RERG: variants seen among roughly 807,000 people sequenced by gnomAD.
The protein encoded by RERG is ras-related and estrogen-regulated growth inhibitor.
In RERG, 25 loss-of-function variants were observed where a neutral mutation model predicts 23.2. The observed-to-expected ratio is 1.08, with a 90% CI of 0.79 to 1.50. RERG has a LOEUF of 1.50. Among genes scored for constraint, RERG ranks in the 40% most tolerant of loss-of-function variants. RERG has a pLI of 0.00. For synonymous variants in RERG, 81 were observed against 89.1 expected, an observed-to-expected ratio of 0.91 and a Z score of 0.51; for missense variants, 253 against 250.1, an observed-to-expected ratio of 1.01 and a Z score of -0.08.
intron 2 of RERG, among the ~76,000 whole-genome samples, chr12:15,160,424 A>G (rs926362957): frequency 6.6e-6 from 1 of 152,132 alleles, no homozygotes; most frequent in Admixed American, 6.6e-5. Flanking sequence ...GGGCTTTTCA[A>G]AACTTTTGTT....
intron 2 of RERG, among the ~76,000 whole-genome samples, chr12:15,162,566 T>TACTA (rs1450453966): frequency 1.3e-5 from 2 of 152,154 alleles, no homozygotes; most frequent in Non-Finnish European, 2.9e-5. Context: ...CATCCATTGG[T>TACTA]CAAAACATAA....
chr12:15,131,367 G>A (rs1175969781), intron 2 of RERG, among the ~76,000 whole-genome samples: 1 of 152,076 alleles, frequency 6.6e-6, no homozygotes, highest in Non-Finnish European at 1.5e-5. Context: ...CCAAGTCAGT[G>A]TTTTTAATTT....
chr12:15,183,188 TA>T (rs1864948001), intron 2 of RERG, among the ~76,000 whole-genome samples: 1 of 152,180 alleles, frequency 6.6e-6, no homozygotes, highest in African/African-American at 2.4e-5. Flanking sequence ...AAATTAATGA[TA>T]AATCTTTGAA....
At chr12:15,136,896 A>G (rs1221718593) in intron 2 of RERG, among the ~76,000 whole-genome samples, 2 of 151,998 alleles carry the variant, frequency 1.3e-5, no homozygotes, top group Non-Finnish European at 2.9e-5. Flanking sequence ...GAAGTAGCCT[A>G]TAGATGTCAG....
intron 2 of RERG, among the ~76,000 whole-genome samples, chr12:15,135,530 G>C (rs1864129622): frequency 6.6e-6 from 1 of 152,146 alleles, no homozygotes; most frequent in South Asian, 2.1e-4. Context: ...TGTAAGGTTA[G>C]CTATAAGTTT....
intron 2 of RERG, among the ~76,000 whole-genome samples, chr12:15,123,066 G>A (rs1863865644): frequency 6.6e-6 from 1 of 152,058 alleles, no homozygotes; most frequent in South Asian, 2.1e-4. Context: ...CAAAGTGCTG[G>A]AATTACAGGC....
intron 2 of RERG, among the ~76,000 whole-genome samples, chr12:15,200,857 A>G (rs187076786): frequency 6.6e-6 from 1 of 152,018 alleles, no homozygotes; most frequent in East Asian, 1.9e-4. Context: ...TTATTAATGT[A>G]TCCTCCCTTT....
intron 4 of RERG, 45 bp downstream of exon 4, chr12:15,111,299 T>A: frequency 6.8e-6 from 10 of 1,479,014 alleles, no homozygotes; most frequent in Non-Finnish European, 9.4e-6. Context: ...GATTTCTCAG[T>A]TTTATTTGAT....
At chr12:15,187,773 G>A (rs1013347702) in intron 2 of RERG, among the ~76,000 whole-genome samples, 3 of 151,890 alleles carry the variant, frequency 2.0e-5, no homozygotes, top group African/African-American at 7.3e-5. Flanking sequence ...TGGCCAGGCT[G>A]GTCTTGAACT....
intron 3 of RERG, among the ~76,000 whole-genome samples, chr12:15,111,810 G>T (rs1591631264): frequency 4.6e-5 from 7 of 151,770 alleles, no homozygotes. Flanking sequence ...CAAGTAGCTG[G>T]GATTACAGGT....
At chr12:15,209,274 G>A (rs1437320250) in intron 2 of RERG, among the ~76,000 whole-genome samples, 1 of 152,166 alleles carries the variant, frequency 6.6e-6, no homozygotes, top group Non-Finnish European at 1.5e-5. Flanking sequence ...AGTACCTTCA[G>A]TGCCATAATT....
intron 2 of RERG, among the ~76,000 whole-genome samples, chr12:15,208,052 C>G (rs76832293): frequency 6.6e-6 from 1 of 151,978 alleles, no homozygotes; most frequent in South Asian, 2.1e-4. Context: ...GGAGACTACC[C>G]CTGATAATAT....
At chr12:15,135,105 TAGTTTTCCCC>T (rs1167273676) in intron 2 of RERG, among the ~76,000 whole-genome samples, 2 of 152,228 alleles carry the variant, frequency 1.3e-5, no homozygotes, top group Non-Finnish European at 2.9e-5. Context: ...CAGAATTTTG[TAGTTTTCCCC>T]ATAGAGGTCT....
At chr12:15,209,611 G>A (rs1865339978) in intron 2 of RERG, among the ~76,000 whole-genome samples, 1 of 151,902 alleles carries the variant, frequency 6.6e-6, no homozygotes, top group Non-Finnish European at 1.5e-5. Context: ...TGGCTATTTT[G>A]GTTGATAACA....
At chr12:15,204,339 G>T in intron 2 of RERG, among the ~76,000 whole-genome samples, 1 of 151,796 alleles carries the variant, frequency 6.6e-6, no homozygotes, top group East Asian at 1.9e-4. Context: ...TGCAACAAAT[G>T]ATGTTGAGAA....
intron 2 of RERG, among the ~76,000 whole-genome samples, chr12:15,174,655 T>C (rs1864822328): frequency 6.6e-6 from 1 of 152,094 alleles, no homozygotes; most frequent in African/African-American, 2.4e-5. Flanking sequence ...TGTTTATTTT[T>C]CCTTTCTGTT....
intron 2 of RERG, among the ~76,000 whole-genome samples, chr12:15,191,259 T>A (rs1283354902): frequency 4.6e-5 from 7 of 152,190 alleles, no homozygotes; most frequent in Non-Finnish European, 8.8e-5. Flanking sequence ...GATTTACTAA[T>A]TCTAGATGTA....
At chr12:15,156,004 A>G (rs1343928019) in intron 2 of RERG, among the ~76,000 whole-genome samples, 3 of 77,466 alleles carry the variant, frequency 3.9e-5, no homozygotes, top group Non-Finnish European at 7.3e-5. Context: ...ATAAAAAAAT[A>G]TATATATATA....
intron 2 of RERG, among the ~76,000 whole-genome samples, chr12:15,147,891 G>T (rs112325204): frequency 6.7e-4 from 102 of 152,264 alleles, no homozygotes; most frequent in African/African-American, 2.3e-3. Flanking sequence ...CCATGTACAT[G>T]AAACATGTAA....
Sources: allele counts gnomAD v4.1 joint callset (sites outside exome capture counted in the v4.1 genomes callset), GRCh38; gene constraint gnomAD v4.1.1; transcripts MANE v1.5; gene names NCBI Gene and HGNC (gene_info 2026-07-23, HGNC 2026-07-21).